The following WDR72 variants were observed in gnomAD, a reference collection of about 807,000 sequenced individuals.
WDR72 encodes WD repeat-containing protein 72.
A neutral mutation model predicts 124.2 loss-of-function variants in WDR72; 120 were observed. The ratio of observed to expected loss-of-function variants is 0.97; its 90% CI spans 0.83 to 1.12. The LOEUF is 1.12. WDR72 is among the 50% of genes most tolerant of loss of function. The pLI, the probability that WDR72 is intolerant of heterozygous loss-of-function variation, is 0.00. For synonymous variants in WDR72, 452 were observed against 441.7 expected, an observed-to-expected ratio of 1.02 and a Z score of -0.29; for missense variants, 1,387 against 1,278.8, an observed-to-expected ratio of 1.08 and a Z score of -1.29.
chr15:53,522,664 A>C (rs2077743857), intron 19 of WDR72, among the ~76,000 whole-genome samples: 1 of 152,050 alleles, frequency 6.6e-6, no homozygotes, highest in South Asian at 2.1e-4. Flanking sequence ...CAAATATGTA[A>C]CTTTGACAAA....
chr15:53,669,428 T>C (rs1285676244), intron 13 of WDR72, among the ~76,000 whole-genome samples: 1 of 152,130 alleles, frequency 6.6e-6, no homozygotes, highest in Non-Finnish European at 1.5e-5. Flanking sequence ...TATCTCAAGT[T>C]CTAGGGCTAG....
At position 53,716,170 on chromosome 15, in the gene WDR72, T is replaced by G. The variant is rs761463396; in HGVS notation, c.339+437A>C. Reference sequence around the variant, plus strand: ...AAAAGCCAAGATTTGCTTTAAAGATTGGGAAGTGATTATAAAAGTTATATA... The same window carrying G: ...AAAAGCCAAGATTTGCTTTAAAGATGGGGAAGTGATTATAAAAGTTATATA... On this transcript the variant is annotated intron_variant, in intron 4 of 19. Coordinates refer to ENST00000360509, the MANE Select transcript of WDR72 (RefSeq NM_182758.4). Among the ~76,000 whole-genome samples, 3 of 152,256 alleles carry G rather than the reference T, an allele frequency of 2.0e-5. No homozygotes were observed. In the South Asian group the frequency reaches 6.2e-4, roughly 32 times the overall value.
chr15:53,643,240 T>C (rs2014918995), intron 14 of WDR72, among the ~76,000 whole-genome samples: 1 of 152,152 alleles, frequency 6.6e-6, no homozygotes, highest in South Asian at 2.1e-4. Context: ...TAAGAATTCC[T>C]TGGTTTATGA....
At chr15:53,628,357 G>T (rs980929008) in intron 14 of WDR72, among the ~76,000 whole-genome samples, 1 of 151,940 alleles carries the variant, frequency 6.6e-6, no homozygotes, top group Non-Finnish European at 1.5e-5. Context: ...CCATCAAAAG[G>T]TTTATAACAA....
chr15:53,713,373 A>T (rs1396082253), intron 6 of WDR72, among the ~76,000 whole-genome samples: 2 of 148,148 alleles, frequency 1.3e-5, no homozygotes, highest in African/African-American at 2.4e-5. Flanking sequence ...AATGATGACT[A>T]AAAAAACCTA....
In WDR72 at chr15:53,515,041, G is replaced by GACACA. The variant is rs1891370500; in HGVS notation, c.*2657_*2658insTGTGT. The GACACA allele has an allele frequency of 8.3e-5, 11 of 131,740 alleles. No homozygotes were observed. Among genetic ancestry groups the GACACA allele is most frequent in the African/African-American group, 2.9e-4 (11 of 38,502 alleles). The allele number at this position is 131,740 out of a possible 1,614,324, so 8.2% of individuals were successfully genotyped here. On this transcript the variant is annotated 3_prime_UTR_variant, in exon 20 of 20. Coordinates refer to ENST00000360509, the MANE Select transcript of WDR72 (RefSeq NM_182758.4). ...TATATATATACACACATATATATGTGTATATATATGTGTGTATATATATAC... is the reference window on the plus strand; with the variant it reads ...TATATATATACACACATATATATGTGACACATATATATATGTGTGTATATATATAC...
At chr15:53,549,000 C>G (rs1264711659) in intron 18 of WDR72, among the ~76,000 whole-genome samples, 2 of 152,018 alleles carry the variant, frequency 1.3e-5, no homozygotes, top group African/African-American at 4.8e-5. Flanking sequence ...TAACCATGCC[C>G]CAGGTATAAA....
chr15:53,529,167 T>A (rs199658798), intron 18 of WDR72, among the ~76,000 whole-genome samples: 12,190 of 99,758 alleles, frequency 0.12, 1,125 homozygotes, highest in East Asian at 0.29. Flanking sequence ...TATATATATT[T>A]TTTTTTTTTT....
At chr15:53,525,257 C>T (rs1430108619) in intron 18 of WDR72, among the ~76,000 whole-genome samples, 1 of 151,990 alleles carries the variant, frequency 6.6e-6, no homozygotes, top group East Asian at 1.9e-4. Flanking sequence ...TCCTGGCCTA[C>T]TTTAATGATT....
intron 17 of WDR72, among the ~76,000 whole-genome samples, chr15:53,606,492 C>T (rs958612112): frequency 6.6e-6 from 1 of 152,122 alleles, no homozygotes; most frequent in East Asian, 1.9e-4. Context: ...ATGAGACAAA[C>T]AAGGTCACTG....
chr15:53,529,867 A>G (rs1872917), intron 18 of WDR72, among the ~76,000 whole-genome samples: 73,268 of 151,748 alleles, frequency 0.48, 18,203 homozygotes, highest in African/African-American at 0.6. Flanking sequence ...ATAGGATGGA[A>G]GGAGTATTAC....
chr15:53,740,469 G>C (rs376628967), intron 1 of WDR72, among the ~76,000 whole-genome samples: 1 of 152,026 alleles, frequency 6.6e-6, no homozygotes, highest in East Asian at 1.9e-4. Context: ...CACCGCGCCC[G>C]GCTAATTTTT....
chr15:53,733,105 G>A lies in WDR72; in HGVS notation c.45C>T (p.Ala15=). 1 of 1,613,978 alleles carries A rather than the reference G, an allele frequency of 6.2e-7. No homozygotes were observed. The change falls in exon 2 of 20, where the codon GCC becomes GCT. Residue 15 remains alanine, a synonymous_variant. Coordinates refer to ENST00000360509, the MANE Select transcript of WDR72 (RefSeq NM_182758.4). ...LQAVALWGQK[A]PPHSITAIMI... is the part of the protein sequence containing the mutation. Reference sequence around the variant, plus strand: ...TGATGGCAGTGATGCTGTGGGGAGGGGCCTTCTGTCCCCAGAGTGCCACTG... The same window carrying A: ...TGATGGCAGTGATGCTGTGGGGAGGAGCCTTCTGTCCCCAGAGTGCCACTG...
At chr15:53,723,914 G>C (rs1180257169) in intron 2 of WDR72, among the ~76,000 whole-genome samples, 1 of 152,068 alleles carries the variant, frequency 6.6e-6, no homozygotes, top group African/African-American at 2.4e-5. Context: ...TGAATCCATG[G>C]ATGCAGAAGC....
chr15:53,549,882 A>C (rs1047019792), intron 18 of WDR72, among the ~76,000 whole-genome samples: 2 of 152,192 alleles, frequency 1.3e-5, no homozygotes, highest in South Asian at 4.1e-4. Context: ...GCCTAAACCG[A>C]AGGCCCCAGA....
chr15:53,703,214 C>T (rs79580066), intron 11 of WDR72, among the ~76,000 whole-genome samples: 4,104 of 152,104 alleles, frequency 0.027, 93 homozygotes, highest in African/African-American at 0.056. Flanking sequence ...GCGCCCAGCC[C>T]GTCATTCTTT....
intron 18 of WDR72, among the ~76,000 whole-genome samples, chr15:53,577,694 A>C (rs889662575): frequency 2.6e-4 from 40 of 152,152 alleles, no homozygotes; most frequent in African/African-American, 9.7e-4. Flanking sequence ...TTGCCAGGAC[A>C]AACTTAAAAA....
intron 18 of WDR72, among the ~76,000 whole-genome samples, chr15:53,573,039 C>G (rs1018601484): frequency 3.3e-5 from 5 of 152,166 alleles, no homozygotes; most frequent in Non-Finnish European, 5.9e-5. Context: ...GTATTTCAGT[C>G]ACAAGACTTC....
At chr15:53,616,839 A>G (rs546409577) in intron 14 of WDR72, among the ~76,000 whole-genome samples, 2 of 152,090 alleles carry the variant, frequency 1.3e-5, no homozygotes, top group South Asian at 4.1e-4. Flanking sequence ...TGAATACTCT[A>G]TTCCCTCATA....
Sources: allele counts gnomAD v4.1 joint callset (sites outside exome capture counted in the v4.1 genomes callset), GRCh38; gene constraint gnomAD v4.1.1; transcripts MANE v1.5; gene names NCBI Gene and HGNC (gene_info 2026-07-23, HGNC 2026-07-21).